SPOCK1: variants seen among roughly 807,000 people sequenced by gnomAD.
SPOCK1 encodes testican-1.
A neutral mutation model predicts 55.3 loss-of-function variants in SPOCK1; 23 were observed. The observed-to-expected ratio is 0.42, with a 90% CI of 0.30 to 0.59. SPOCK1 has a LOEUF of 0.59. Ranked by LOEUF, SPOCK1 falls within the 20% of genes least tolerant of loss-of-function variation. The probability of loss-of-function intolerance (pLI) is 0.22; values close to 1 mark genes in which losing one functional copy is unlikely to be tolerated. For missense variants in SPOCK1, 499 were observed against 552.5 expected (o/e 0.90, Z 0.97); for synonymous variants, 226 against 221.0 (o/e 1.02, Z -0.20).
At chr5:137,023,908 C>T (rs1343134303) in intron 6 of SPOCK1, among the ~76,000 whole-genome samples, 1 of 150,764 alleles carries the variant, frequency 6.6e-6, no homozygotes, top group Non-Finnish European at 1.5e-5. Flanking sequence ...TTCACATAAC[C>T]ATAGCAGACT....
intron 2 of SPOCK1, among the ~76,000 whole-genome samples, chr5:137,361,987 A>G (rs1027251003): frequency 3.9e-5 from 6 of 152,060 alleles, no homozygotes; most frequent in African/African-American, 1.4e-4. Context: ...AGCCCCAGCC[A>G]CTCAGTAAGG....
At chr5:137,385,669 G>C (rs991843898) in intron 2 of SPOCK1, among the ~76,000 whole-genome samples, 1 of 152,196 alleles carries the variant, frequency 6.6e-6, no homozygotes, top group Non-Finnish European at 1.5e-5. Flanking sequence ...CAGAGGTAGT[G>C]CTGAGATTGA....
rs374082537 is a variant in SPOCK1, at chr5:137,028,827, A to C, written c.590-36227T>G. ...CAGACAATGTGTCAAATAGGAAAAA[A>C]GAAAAAAGTGGTCATTATAGAACCA... On this transcript the variant is annotated intron_variant, in intron 6 of 10. Transcript: ENST00000394945. Among the ~76,000 whole-genome samples, 13 of 152,162 alleles carry C rather than the reference A, an allele frequency of 8.5e-5. No individual in the cohort carries two copies. In the East Asian group the frequency reaches 1.2e-3, roughly 14 times the overall value.
intron 2 of SPOCK1, among the ~76,000 whole-genome samples, chr5:137,325,631 T>G (rs1234810173): frequency 6.6e-6 from 1 of 152,222 alleles, no homozygotes; most frequent in Non-Finnish European, 1.5e-5. Flanking sequence ...CTGCTCTCAG[T>G]GCTGGGTACA....
chr5:137,413,554 C>A (rs1038739319), intron 2 of SPOCK1, among the ~76,000 whole-genome samples: 11 of 152,174 alleles, frequency 7.2e-5, no homozygotes, highest in Non-Finnish European at 4.4e-5. Flanking sequence ...ATCTCAGCCA[C>A]ATCTATTCCT....
At chr5:137,370,422 G>C (rs1206752455) in intron 2 of SPOCK1, among the ~76,000 whole-genome samples, 2 of 152,202 alleles carry the variant, frequency 1.3e-5, no homozygotes, top group Admixed American at 6.5e-5. Flanking sequence ...AACAGGCATT[G>C]GATGTCAAGA....
chr5:137,159,479 G>A (rs1486985848), intron 3 of SPOCK1, among the ~76,000 whole-genome samples: 3 of 144,794 alleles, frequency 2.1e-5, no homozygotes, highest in East Asian at 4.0e-4. Context: ...CCACCAACCA[G>A]CCCCACCCCC....
At chr5:137,075,787 C>G (rs898103074) in intron 5 of SPOCK1, among the ~76,000 whole-genome samples, 3 of 152,178 alleles carry the variant, frequency 2.0e-5, no homozygotes, top group Admixed American at 6.5e-5. Flanking sequence ...AGGCCCACCC[C>G]CAGCAGGCTC....
intron 2 of SPOCK1, among the ~76,000 whole-genome samples, chr5:137,462,139 G>C (rs1156446386): frequency 6.6e-6 from 1 of 152,216 alleles, no homozygotes; most frequent in African/African-American, 2.4e-5. Context: ...CCTGTGCTTA[G>C]CCTCTGGAGG....
At chr5:137,176,622 T>A (rs1006750084) in intron 3 of SPOCK1, among the ~76,000 whole-genome samples, 3 of 152,036 alleles carry the variant, frequency 2.0e-5, no homozygotes, top group African/African-American at 7.2e-5. Context: ...TAAGAACCCG[T>A]CATACCTGTT....
chr5:137,221,607 T>G (rs993164896), intron 3 of SPOCK1, among the ~76,000 whole-genome samples: 6 of 152,210 alleles, frequency 3.9e-5, no homozygotes, highest in Non-Finnish European at 8.8e-5. Context: ...GACAATAGAT[T>G]CCAATTTTAG....
At chr5:137,347,387 A>C (rs537690984) in intron 2 of SPOCK1, among the ~76,000 whole-genome samples, 16 of 152,186 alleles carry the variant, frequency 1.1e-4, no homozygotes, top group Admixed American at 9.2e-4. Flanking sequence ...TCACACAACC[A>C]CCAGTCTCCA....
chr5:137,218,524 T>C lies in SPOCK1; in HGVS notation c.232+48486A>G, dbSNP rs116831275. 4.1e-3 allele frequency among the ~76,000 whole-genome samples: 630 copies of C among 152,352 alleles called. 3 individuals carry two copies. The highest frequency in any genetic ancestry group is 0.014 in the African/African-American group (602 of 41,580). Reference sequence around the variant, plus strand: ...TAACTTCCTTTCAAGGTAACAAATATTTGAAGTTGGAATCCCAGAAAACTT... The same window carrying C: ...TAACTTCCTTTCAAGGTAACAAATACTTGAAGTTGGAATCCCAGAAAACTT... On this transcript the variant is annotated intron_variant, in intron 3 of 10. Transcript: ENST00000394945.
chr5:136,994,920 G>A (rs926051077), intron 6 of SPOCK1, among the ~76,000 whole-genome samples: 1 of 152,116 alleles, frequency 6.6e-6, no homozygotes, highest in African/African-American at 2.4e-5. Context: ...CAGGAGAATC[G>A]CTTGAACCTG....
intron 2 of SPOCK1, among the ~76,000 whole-genome samples, chr5:137,447,021 G>A (rs554438026): frequency 6.6e-6 from 1 of 152,322 alleles, no homozygotes; most frequent in Admixed American, 6.5e-5. Context: ...CCACTTGTAT[G>A]TATACACCAC....
intron 2 of SPOCK1, among the ~76,000 whole-genome samples, chr5:137,394,379 G>C (rs541103571): frequency 6.6e-6 from 1 of 152,274 alleles, no homozygotes; most frequent in African/African-American, 2.4e-5. Flanking sequence ...TTCTGAAACA[G>C]AGAAAGTCCT....
At chr5:137,435,561 A>G (rs10052022) in intron 2 of SPOCK1, among the ~76,000 whole-genome samples, 140,313 of 152,242 alleles carry the variant, frequency 0.92, 65,385 homozygotes, top group East Asian at 1. Flanking sequence ...GGATATTAAG[A>G]GTTCTTTGAA....
At chr5:137,440,325 A>C (rs140213888) in intron 2 of SPOCK1, among the ~76,000 whole-genome samples, 4 of 152,270 alleles carry the variant, frequency 2.6e-5, no homozygotes, top group Non-Finnish European at 5.9e-5. Flanking sequence ...GGAAAGAGAA[A>C]AGACAAAGAC....
chr5:137,081,275 T>G (rs1752873897), intron 5 of SPOCK1, among the ~76,000 whole-genome samples: 1 of 152,194 alleles, frequency 6.6e-6, no homozygotes, highest in South Asian at 2.1e-4. Flanking sequence ...TACAGAGACT[T>G]CACAGATCAG....
Sources: allele counts gnomAD v4.1 joint callset (sites outside exome capture counted in the v4.1 genomes callset), GRCh38; gene constraint gnomAD v4.1.1; transcripts MANE v1.5; gene names NCBI Gene and HGNC (gene_info 2026-07-23, HGNC 2026-07-21).